Variants in KLF4 observed in about 807,000 individuals in gnomAD.
KLF4 encodes Krueppel-like factor 4.
KLF4 carries 14 observed loss-of-function variants against 38.0 expected under a neutral mutation model. The ratio of observed to expected loss-of-function variants is 0.37; its 90% CI spans 0.24 to 0.58. The LOEUF (loss-of-function observed/expected upper bound fraction) is 0.58. Ranked by LOEUF, KLF4 falls within the 20% of genes least tolerant of loss-of-function variation. KLF4 has a pLI of 0.76. For missense variants in KLF4, 737 were observed against 670.1 expected (o/e 1.10, Z -1.10); for synonymous variants, 398 against 302.5 (o/e 1.32, Z -3.28).
rs769388333 is a variant in KLF4 at position 107,487,904 on chromosome 9, G to C, written c.490C>G (p.Pro164Ala). 1.9e-6 allele frequency: 3 copies of C among 1,564,932 alleles called. No homozygotes were observed. In the African/African-American group the frequency reaches 4.1e-5, roughly 21 times the overall value. The change falls in exon 3 of 5, where the codon CCG becomes GCG. Residue 164 changes from proline to alanine, a missense_variant. Physicochemically the swap from Pro to Ala is conservative, Grantham distance 27. Around this residue, in one of 2 missense-constraint regions of KLF4, gnomAD observed 695 missense variants for 554.5 expected, o/e 1.25. Transcript: ENST00000374672. The surrounding 1 kb of genome is among the most constrained non-coding windows in gnomAD (Gnocchi z 6.1). ...IRAGNDPGVA[P>A]GGTGGGLLYG... ...AGGAGGCCTCCGCCCGTGCCGCCCG[G>C]CGCCACGCCCGGGTCGTTCCCGGCC...
chr9:107,485,743 T>A lies in KLF4; in HGVS notation c.*8A>T, dbSNP rs759942892. On this transcript the variant is annotated 3_prime_UTR_variant, in exon 5 of 5. Transcript: ENST00000374672. This position sits in a 1 kb window ranked among gnomAD's most constrained non-coding sequence, Gnocchi z 4.9. ...CTGGCAGTGTGGGTCATATCCACTG[T>A]CTGGGATTTAAAAATGCCTCTTCAT... 6.3e-7 allele frequency: 1 copy of A among 1,579,324 alleles called. No individual in the cohort carries two copies. The highest frequency in any genetic ancestry group is 1.4e-5 in the African/African-American group (1 of 72,960).
Position 107,488,972 on chromosome 9 carries a change from C to A in KLF4, c.84G>T (p.Ala28=). The A allele has an allele frequency of 6.4e-7, 1 of 1,568,088 alleles. No homozygotes were observed. Among genetic ancestry groups the A allele is most frequent in the East Asian group, 2.4e-5 (1 of 42,264 alleles). ...PSFSTFASGP[A]GREKTLRQAG... ...CTTGACGCAGTGTCTTCTCCCTTCCCGCCGGGCCAGACGCGAACGTGGAGA... is the reference window on the plus strand; with the variant it reads ...CTTGACGCAGTGTCTTCTCCCTTCCAGCCGGGCCAGACGCGAACGTGGAGA... Residue 28 remains alanine, a synonymous_variant, in exon 2 of 5, where the codon GCG becomes GCT. Transcript: ENST00000374672. The surrounding 1 kb of genome is among the most constrained non-coding windows in gnomAD (Gnocchi z 5.7).
At position 107,487,972 on chromosome 9, in the gene KLF4, G is replaced by C. The variant is rs1188702874; in HGVS notation, c.422C>G (p.Pro141Arg). Reference protein sequence around the residue: ...SSSSSPSSSGPASAPSTCSFT... With the variant: ...SSSSSPSSSGRASAPSTCSFT... ...GCTGCAGGTGGAGGGCGCGCTGGCAGGGCCGCTGCTCGACGGCGACGACGA... is the reference window on the plus strand; with the variant it reads ...GCTGCAGGTGGAGGGCGCGCTGGCACGGCCGCTGCTCGACGGCGACGACGA... The change falls in exon 3 of 5, where the codon CCT (proline) becomes CGT (arginine). Residue 141 changes from proline to arginine, a missense_variant. Coordinates refer to ENST00000374672, the MANE Select transcript of KLF4 (RefSeq NM_004235.6). This position sits in a 1 kb window ranked among gnomAD's most constrained non-coding sequence, Gnocchi z 6.1. The C allele has an allele frequency of 6.3e-7, 1 of 1,587,482 alleles. No homozygotes were observed. Among genetic ancestry groups the C allele is most frequent in the Non-Finnish European group, 8.6e-7 (1 of 1,167,842 alleles).
At position 107,487,378 on chromosome 9, in the gene KLF4, C is replaced by T; in HGVS notation, c.1016G>A (p.Gly339Asp). Residue 339 changes from glycine to aspartate, a missense_variant, in exon 3 of 5, where the codon GGC (glycine) becomes GAC (aspartate). Transcript: ENST00000374672. The surrounding 1 kb of genome is among the most constrained non-coding windows in gnomAD (Gnocchi z 6.1). Reference sequence around the variant, plus strand: ...ATTGGGCCCCGGGTGGGGATGGAAGCCGGGAGGAAGCGGCAGGGCAGGGTG... The same window carrying T: ...ATTGGGCCCCGGGTGGGGATGGAAGTCGGGAGGAAGCGGCAGGGCAGGGTG... ...DCHPALPLPP[G>D]FHPHPGPNYP... 6.5e-7 allele frequency: 1 copy of T among 1,537,324 alleles called. No homozygotes were observed. The highest frequency in any genetic ancestry group is 8.7e-7 in the Non-Finnish European group (1 of 1,143,192).
chr9:107,485,622 CAGTT>C lies in KLF4; in HGVS notation c.*125_*128del. 2 of 877,834 alleles carry C rather than the reference CAGTT, an allele frequency of 2.3e-6. No individual in the cohort carries two copies. Among genetic ancestry groups the C allele is most frequent in the South Asian group, 4.2e-5 (2 of 47,960 alleles). The allele number at this position is 877,834 out of a possible 1,614,324, so 54.4% of individuals were successfully genotyped here. On this transcript the variant is annotated 3_prime_UTR_variant, in exon 5 of 5. Coordinates refer to ENST00000374672, the MANE Select transcript of KLF4 (RefSeq NM_004235.6). The surrounding 1 kb of genome is among the most constrained non-coding windows in gnomAD (Gnocchi z 4.9). ...CTGATTATCCACTCACAAGATGACT[CAGTT>C]GGGAACTTGACCATGATTGTAGTGC...
At position 107,488,504 on chromosome 9, in the gene KLF4, C is replaced by A. The variant is rs1265084031; in HGVS notation, c.127-237G>T. 3.0e-6 allele frequency: 2 copies of A among 675,720 alleles called. No individual in the cohort carries two copies. Among genetic ancestry groups the A allele is most frequent in the Non-Finnish European group, 4.6e-6 (2 of 430,712 alleles). The allele number at this position is 675,720 out of a possible 1,614,324, so 41.9% of individuals were successfully genotyped here. Reference sequence around the variant, plus strand: ...TCCTGTCTGCCCAATTGCGTGTGAGCGAGCGCCGCGGCTGGTCCCTCCCCC... The same window carrying A: ...TCCTGTCTGCCCAATTGCGTGTGAGAGAGCGCCGCGGCTGGTCCCTCCCCC... On this transcript the variant is annotated intron_variant, in intron 2 of 4. Coordinates refer to ENST00000374672, the MANE Select transcript of KLF4 (RefSeq NM_004235.6). This position sits in a 1 kb window ranked among gnomAD's most constrained non-coding sequence, Gnocchi z 5.7.
rs1829125571 is a variant in KLF4, at chr9:107,488,318, C to G, written c.127-51G>C. 3 of 1,499,904 alleles carry G rather than the reference C, an allele frequency of 2.0e-6. No homozygotes were observed. The highest frequency in any genetic ancestry group is 2.7e-6 in the Non-Finnish European group (3 of 1,128,550). The allele number at this position is 1,499,904 out of a possible 1,614,324, so 92.9% of individuals were successfully genotyped here. On this transcript the variant is annotated intron_variant, in intron 2 of 4. Transcript: ENST00000374672. The surrounding 1 kb of genome is among the most constrained non-coding windows in gnomAD (Gnocchi z 5.7). ...TGTCAGTGGTGGTCCCCTGTTGCCA[C>G]CCGACATACTGACGTGCTGGCGGGC...
rs759055140 is a variant in KLF4 at position 107,487,137 on chromosome 9, T to A, written c.1155A>T (p.Arg385Ser). The A allele has an allele frequency of 6.2e-7, 1 of 1,614,172 alleles. No individual in the cohort carries two copies. Among genetic ancestry groups the A allele is most frequent in the Middle Eastern group, 1.6e-4 (1 of 6,062 alleles). Residue 385 changes from arginine (R) to serine (S), a missense_variant, in exon 4 of 5, where the codon AGA becomes AGT. Arg to Ser is a moderately radical substitution (Grantham distance 110). Around this residue, in one of 2 missense-constraint regions of KLF4, gnomAD observed 695 missense variants for 554.5 expected, o/e 1.25. Coordinates refer to ENST00000374672, the MANE Select transcript of KLF4 (RefSeq NM_004235.6). This position sits in a 1 kb window ranked among gnomAD's most constrained non-coding sequence, Gnocchi z 6.1. ...MPEEPKPKRGRRSWPRKRTAT... is the reference protein window; with the variant it reads ...MPEEPKPKRGSRSWPRKRTAT... ...CGGTCCTTTTCCGGGGCCACGATCGTCTTCCCCTCTTTGGCTTGGGCTCCT... is the reference window on the plus strand; with the variant it reads ...CGGTCCTTTTCCGGGGCCACGATCGACTTCCCCTCTTTGGCTTGGGCTCCT...
chr9:107,488,462 G>A lies in KLF4; in HGVS notation c.127-195C>T, dbSNP rs1829128969. 1 of 968,792 alleles carries A rather than the reference G, an allele frequency of 1.0e-6. No individual in the cohort carries two copies. Among genetic ancestry groups the A allele is most frequent in the Non-Finnish European group, 1.5e-6 (1 of 675,866 alleles). The allele number at this position is 968,792 out of a possible 1,614,324, so 60.0% of individuals were successfully genotyped here. On this transcript the variant is annotated intron_variant, in intron 2 of 4. Transcript: ENST00000374672. This position sits in a 1 kb window ranked among gnomAD's most constrained non-coding sequence, Gnocchi z 5.7. ...GGGTCGAAGAAGAGGTGATGCGTCT[G>A]TATTGCGGGTGTTATGTCCTGTCTG...
rs1489165482 is a variant in KLF4 at position 107,488,256 on chromosome 9, C to T, written c.138G>A (p.Glu46=). ...GAAGTCGCTTCATGTGGGAGAGCTC[C>T]TCCCGCCAGCGCTGCGGGGACAGGG... The part of the protein sequence containing the change: ...QAGAPNNRWR[E]ELSHMKRLPP... The change falls in exon 3 of 5, where the codon GAG becomes GAA. Residue 46 remains glutamate (E), a synonymous_variant. Transcript: ENST00000374672. The surrounding 1 kb of genome is among the most constrained non-coding windows in gnomAD (Gnocchi z 5.7). The T allele has an allele frequency of 6.2e-7, 1 of 1,603,658 alleles. No individual in the cohort carries two copies. The highest frequency in any genetic ancestry group is 8.5e-7 in the Non-Finnish European group (1 of 1,176,442).
In KLF4 at chr9:107,487,098, A is replaced by G. The variant is rs1829076730; in HGVS notation, c.1194T>C (p.Cys398=). Residue 398 remains cysteine, a synonymous_variant, in exon 4 of 5, where the codon TGT becomes TGC. Coordinates refer to ENST00000374672, the MANE Select transcript of KLF4 (RefSeq NM_004235.6). The surrounding 1 kb of genome is among the most constrained non-coding windows in gnomAD (Gnocchi z 6.1). ...AGGTTTTGCCGCAGCCCGCGTAATC[A>G]CAAGTGTGGGTGGCGGTCCTTTTCC... ...WPRKRTATHT[C]DYAGCGKTYT... 1.2e-6 allele frequency: 2 copies of G among 1,614,088 alleles called. No homozygotes were observed. Among genetic ancestry groups the G allele is most frequent in the Non-Finnish European group, 1.7e-6 (2 of 1,180,030 alleles).
At position 107,487,109 on chromosome 9, in the gene KLF4, T is replaced by C. The variant is rs780230472; in HGVS notation, c.1183A>G (p.Thr395Ala). ...RRSWPRKRTA[T>A]HTCDYAGCGK... ...CAGCCCGCGTAATCACAAGTGTGGG[T>C]GGCGGTCCTTTTCCGGGGCCACGAT... is the stretch of plus-strand genomic sequence containing the variant. Residue 395 changes from threonine to alanine, a missense_variant, in exon 4 of 5, where the codon ACC becomes GCC. By Grantham distance (58) the Thr-to-Ala change is moderately conservative (BLOSUM62 0). Coordinates refer to ENST00000374672, the MANE Select transcript of KLF4 (RefSeq NM_004235.6). This position sits in a 1 kb window ranked among gnomAD's most constrained non-coding sequence, Gnocchi z 6.1. The C allele has an allele frequency of 6.2e-7, 1 of 1,614,102 alleles. No individual in the cohort carries two copies. Among genetic ancestry groups the C allele is most frequent in the East Asian group, 2.2e-5 (1 of 44,858 alleles).
chr9:107,488,283 G>A lies in KLF4; in HGVS notation c.127-16C>T, dbSNP rs773400769. The A allele has an allele frequency of 3.8e-6, 6 of 1,577,958 alleles. No homozygotes were observed. The South Asian group carries it at 4.5e-5, about 12-fold the overall frequency. On this transcript the variant is annotated splice_polypyrimidine_tract_variant and intron_variant, in intron 2 of 4. Coordinates refer to ENST00000374672, the MANE Select transcript of KLF4 (RefSeq NM_004235.6). The surrounding 1 kb of genome is among the most constrained non-coding windows in gnomAD (Gnocchi z 5.7). ...CCCGCCAGCGCTGCGGGGACAGGGCGGGAGAGACCTGTCAGTGGTGGTCCC... is the reference window on the plus strand; with the variant it reads ...CCCGCCAGCGCTGCGGGGACAGGGCAGGAGAGACCTGTCAGTGGTGGTCCC...
In KLF4 at chr9:107,485,653, T is replaced by TTC; in HGVS notation, c.*96_*97dup. Reference sequence around the variant, plus strand: ...GGAACTTGACCATGATTGTAGTGCTTTCTGGCTGGGCTCCTTCCCTCATCG... The same window carrying TTC: ...GGAACTTGACCATGATTGTAGTGCTTTCTCTGGCTGGGCTCCTTCCCTCATCG... On this transcript the variant is annotated 3_prime_UTR_variant, in exon 5 of 5. Coordinates refer to ENST00000374672, the MANE Select transcript of KLF4 (RefSeq NM_004235.6). The surrounding 1 kb of genome is among the most constrained non-coding windows in gnomAD (Gnocchi z 4.9). 2 of 1,228,104 alleles carry TTC rather than the reference T, an allele frequency of 1.6e-6. No individual in the cohort carries two copies. The highest frequency in any genetic ancestry group is 3.3e-5 in the South Asian group (2 of 60,888). 76.1% of individuals were successfully genotyped at this position (1,228,104 alleles called of 1,614,324 possible).
In KLF4 at chr9:107,487,279, A is replaced by C. The variant is rs768591525; in HGVS notation, c.1099+16T>G. 1 of 1,594,506 alleles carries C rather than the reference A, an allele frequency of 6.3e-7. No homozygotes were observed. The highest frequency in any genetic ancestry group is 1.7e-5 in the Admixed American group (1 of 58,502). ...ACAGGGCTCCCCAGCCCGAGCTACAAATCCCCGGGACTGACCTTGGTAATG... is the reference window on the plus strand; with the variant it reads ...ACAGGGCTCCCCAGCCCGAGCTACACATCCCCGGGACTGACCTTGGTAATG... On this transcript the variant is annotated intron_variant, in intron 3 of 4. Transcript: ENST00000374672. This position sits in a 1 kb window ranked among gnomAD's most constrained non-coding sequence, Gnocchi z 6.1.
At position 107,488,036 on chromosome 9, in the gene KLF4, C is replaced by T; in HGVS notation, c.358G>A (p.Val120Met). ...GCTGACGAGGACACGGTGGCGGCCACTGACTCCGGAGGATGGGTCAGCGAA... is the reference window on the plus strand; with the variant it reads ...GCTGACGAGGACACGGTGGCGGCCATTGACTCCGGAGGATGGGTCAGCGAA... ...SNSLTHPPES[V>M]AATVSSSASA... Residue 120 changes from valine (V) to methionine (M), a missense_variant, in exon 3 of 5, where the codon GTG (valine) becomes ATG (methionine). Physicochemically the swap from Val to Met is conservative, Grantham distance 21. Coordinates refer to ENST00000374672, the MANE Select transcript of KLF4 (RefSeq NM_004235.6). This position sits in a 1 kb window ranked among gnomAD's most constrained non-coding sequence, Gnocchi z 5.7. 6.2e-7 allele frequency: 1 copy of T among 1,611,100 alleles called. No homozygotes were observed. Among genetic ancestry groups the T allele is most frequent in the Non-Finnish European group, 8.5e-7 (1 of 1,179,128 alleles).
rs1829057671 is a variant in KLF4, at chr9:107,486,043, G to A, written c.1265-117C>T. On this transcript the variant is annotated intron_variant, in intron 4 of 4. Transcript: ENST00000374672. ...CTGACCCTATCCTAAAGAAATCCAGGAATGTCTTTATACCACTGAAGGGGT... is the reference window on the plus strand; with the variant it reads ...CTGACCCTATCCTAAAGAAATCCAGAAATGTCTTTATACCACTGAAGGGGT... 4.7e-6 allele frequency: 4 copies of A among 851,556 alleles called. No homozygotes were observed. The South Asian group carries it at 4.9e-5, about 10-fold the overall frequency. 52.8% of individuals were successfully genotyped at this position (851,556 alleles called of 1,614,324 possible). A position where few individuals can be genotyped will look rare whatever the true frequency, so the allele number is the denominator to read the frequency against.
Position 107,489,313 on chromosome 9 carries a change from T to C in KLF4, c.-141A>G. 8.7e-7 allele frequency: 1 copy of C among 1,154,616 alleles called. No homozygotes were observed. The allele number at this position is 1,154,616 out of a possible 1,614,324, so 71.5% of individuals were successfully genotyped here. ...CCTTCTTCTTTGGATTAAATATAAC[T>C]TGGAAGCGTCTTTTTTAAAAAGTTC... is the stretch of plus-strand genomic sequence containing the variant. On this transcript the variant is annotated 5_prime_UTR_variant, in exon 1 of 5. Transcript: ENST00000374672.
At position 107,488,875 on chromosome 9, in the gene KLF4, C is replaced by T; in HGVS notation, c.126+55G>A. ...GTGACCCCAAGGCTCCGCCCGCCCC[C>T]ACCACACCCACGAAAACCCACCGGG... On this transcript the variant is annotated intron_variant, in intron 2 of 4. Coordinates refer to ENST00000374672, the MANE Select transcript of KLF4 (RefSeq NM_004235.6). This position sits in a 1 kb window ranked among gnomAD's most constrained non-coding sequence, Gnocchi z 5.7. The T allele has an allele frequency of 6.5e-7, 1 of 1,532,350 alleles. No homozygotes were observed. The highest frequency in any genetic ancestry group is 8.8e-7 in the Non-Finnish European group (1 of 1,134,278). 94.9% of individuals were successfully genotyped at this position (1,532,350 alleles called of 1,614,324 possible).
Sources: gnomAD v4.1 joint callset for allele counts on GRCh38, gnomAD v4.1.1 for gene constraint, gnomAD v4.1.1 regional missense constraint, Gnocchi (gnomAD v3.1) non-coding constraint, MANE v1.5 for transcripts, NCBI Gene and HGNC (gene_info 2026-07-23, HGNC 2026-07-21) for gene names.